Variants in SUCLG2 observed in about 807,000 individuals in gnomAD.
SUCLG2 encodes succinate--CoA ligase [GDP-forming] subunit beta, mitochondrial.
Under a neutral mutation model 47.9 loss-of-function variants are expected in SUCLG2, and 42 were observed. The ratio of observed to expected loss-of-function variants is 0.88; its 90% CI spans 0.69 to 1.14. The LOEUF is 1.14. Ranked by LOEUF, SUCLG2 falls within the 50% of genes most tolerant of loss-of-function variation. The pLI, the probability that SUCLG2 is intolerant of heterozygous loss-of-function variation, is 0.00. For synonymous variants in SUCLG2, 195 were observed against 197.3 expected (o/e 0.99, Z 0.10); for missense variants, 571 against 525.9 (o/e 1.09, Z -0.84).
At chr3:67,601,176 CA>C (rs1288694182) in intron 2 of SUCLG2, among the ~76,000 whole-genome samples, 1 of 152,078 alleles carries the variant, frequency 6.6e-6, no homozygotes, top group African/African-American at 2.4e-5. Context: ...AATTTATAAA[CA>C]AGCTCATTCT....
chr3:67,430,146 C>T (rs1174077131), intron 9 of SUCLG2, among the ~76,000 whole-genome samples: 1 of 152,216 alleles, frequency 6.6e-6, no homozygotes, highest in Non-Finnish European at 1.5e-5. Flanking sequence ...ACAGAATATA[C>T]ATTTTTTCTC....
At chr3:67,651,801 T>C (rs969154860) in intron 1 of SUCLG2, among the ~76,000 whole-genome samples, 2 of 152,234 alleles carry the variant, frequency 1.3e-5, no homozygotes, top group South Asian at 2.1e-4. Context: ...AAACACACCA[T>C]ATCAAATAGG....
intron 2 of SUCLG2, among the ~76,000 whole-genome samples, chr3:67,569,391 T>C (rs1179336918): frequency 1.3e-5 from 2 of 152,208 alleles, no homozygotes; most frequent in African/African-American, 4.8e-5. Flanking sequence ...TATACACAGA[T>C]CTGATCATAT....
At chr3:67,459,617 TGAGA>T (rs1183865933) in intron 9 of SUCLG2, among the ~76,000 whole-genome samples, 1 of 152,206 alleles carries the variant, frequency 6.6e-6, no homozygotes, top group African/African-American at 2.4e-5. Context: ...CCATGGTAAA[TGAGA>T]GAAAGTATGC....
intron 2 of SUCLG2, among the ~76,000 whole-genome samples, chr3:67,594,952 A>T (rs750726873): frequency 8.5e-5 from 13 of 152,330 alleles, no homozygotes; most frequent in Non-Finnish European, 1.6e-4. Context: ...CAAATGAAAT[A>T]ATACCTCAAG....
chr3:67,374,187 A>T (rs1701990612), downstream of SUCLG2, among the ~76,000 whole-genome samples: 1 of 152,224 alleles, frequency 6.6e-6, no homozygotes, highest in Admixed American at 6.5e-5. Flanking sequence ...CATTGTTAAT[A>T]TTCTTCATTC....
intron 2 of SUCLG2, among the ~76,000 whole-genome samples, chr3:67,605,583 C>T (rs1003936160): frequency 1.3e-5 from 2 of 152,084 alleles, no homozygotes; most frequent in African/African-American, 4.8e-5. Flanking sequence ...CTGTTTAGCT[C>T]TAGACAGAAT....
chr3:67,391,005 T>G (rs921338669), intron 10 of SUCLG2, among the ~76,000 whole-genome samples: 2 of 152,226 alleles, frequency 1.3e-5, no homozygotes, highest in Non-Finnish European at 2.9e-5. Context: ...ATATTAATAA[T>G]AAACCTCGAG....
chr3:67,475,098 C>T (rs980499609), intron 9 of SUCLG2, among the ~76,000 whole-genome samples: 2 of 151,948 alleles, frequency 1.3e-5, no homozygotes, highest in Non-Finnish European at 2.9e-5. Context: ...ATTAGTGTCA[C>T]ATAAGTGAAT....
At chr3:67,542,377 T>C (rs973446558) in intron 2 of SUCLG2, among the ~76,000 whole-genome samples, 1 of 152,104 alleles carries the variant, frequency 6.6e-6, no homozygotes, top group African/African-American at 2.4e-5. Context: ...TGCAAAAACA[T>C]ACCAAATTGT....
chr3:67,492,988 T>C (rs1692299420), intron 9 of SUCLG2, among the ~76,000 whole-genome samples: 1 of 152,238 alleles, frequency 6.6e-6, no homozygotes, highest in Admixed American at 6.5e-5. Context: ...AAATATCAGT[T>C]GATAAAAGTT....
intron 10 of SUCLG2, among the ~76,000 whole-genome samples, chr3:67,382,676 T>C (rs1702183598): frequency 6.6e-6 from 1 of 152,198 alleles, no homozygotes; most frequent in South Asian, 2.1e-4. Flanking sequence ...ATAAATAACT[T>C]TTTCGTGGAA....
At chr3:67,489,334 C>T (rs1384218584) in intron 9 of SUCLG2, among the ~76,000 whole-genome samples, 2 of 152,080 alleles carry the variant, frequency 1.3e-5, no homozygotes, top group African/African-American at 2.4e-5. Flanking sequence ...AAGAAAAGGG[C>T]CCAGAGTGGT....
intron 9 of SUCLG2, among the ~76,000 whole-genome samples, chr3:67,493,641 C>T (rs1401509051): frequency 6.6e-6 from 1 of 152,082 alleles, no homozygotes; most frequent in African/African-American, 2.4e-5. Context: ...CTCTATTATC[C>T]TTTGCACAGA....
At chr3:67,376,221 C>A in intron 10 of SUCLG2, 1 of 985,378 alleles carries the variant, frequency 1.0e-6, no homozygotes, top group Non-Finnish European at 1.2e-6. Context: ...TGGGCTGTGA[C>A]CTGATTTGAG....
chr3:67,497,106 T>C (rs1705365525), intron 8 of SUCLG2, among the ~76,000 whole-genome samples: 1 of 152,204 alleles, frequency 6.6e-6, no homozygotes, highest in South Asian at 2.1e-4. Flanking sequence ...CATTAGCTTA[T>C]CAGGATCAGA....
At chr3:67,436,683 G>C (rs1703632430) in intron 9 of SUCLG2, among the ~76,000 whole-genome samples, 1 of 151,964 alleles carries the variant, frequency 6.6e-6, no homozygotes, top group Non-Finnish European at 1.5e-5. Context: ...CAAGTGTTAG[G>C]TAAAAATTTA....
intron 1 of SUCLG2, among the ~76,000 whole-genome samples, chr3:67,625,970 G>GTATC (rs1700819435): frequency 6.6e-6 from 1 of 151,956 alleles, no homozygotes; most frequent in Admixed American, 6.6e-5. Context: ...AGTCAAAAGA[G>GTATC]CATAGGACAG....
chr3:67,638,489 T>C (rs1219024827), intron 1 of SUCLG2, among the ~76,000 whole-genome samples: 1 of 152,192 alleles, frequency 6.6e-6, no homozygotes, highest in Non-Finnish European at 1.5e-5. Flanking sequence ...GCAAACACAG[T>C]TCTTTTGCCT....
Sources: gnomAD v4.1 joint callset for allele counts (sites outside exome capture counted in the v4.1 genomes callset) on GRCh38, gnomAD v4.1.1 for gene constraint, MANE v1.5 for transcripts, NCBI Gene and HGNC (gene_info 2026-07-23, HGNC 2026-07-21) for gene names.